The following CNMD variants were observed in gnomAD, a reference collection of about 807,000 sequenced individuals.
CNMD encodes chondromodulin, also known as leukocyte cell-derived chemotaxin 1.
A neutral mutation model predicts 37.5 loss-of-function variants in CNMD; 30 were observed. That is an observed-to-expected ratio of 0.80 (90% confidence interval 0.60 to 1.09). CNMD has a LOEUF of 1.09. Among genes scored for constraint, CNMD ranks in the 50% least tolerant of loss-of-function variants. The pLI, the probability that CNMD is intolerant of heterozygous loss-of-function variation, is 0.00. For missense variants in CNMD, 398 were observed against 423.9 expected, an observed-to-expected ratio of 0.94 and a Z score of 0.54; for synonymous variants, 167 against 148.2, an observed-to-expected ratio of 1.13 and a Z score of -0.92.
chr13:52,727,847 A>C (rs77022722), intron 3 of CNMD, among the ~76,000 whole-genome samples: 6,166 of 152,260 alleles, frequency 0.04, 150 homozygotes, highest in South Asian at 0.065. Context: ...GTGGGTGGTA[A>C]AAACATGCAG....
At chr13:52,736,216 C>A (rs142947165) in intron 2 of CNMD, among the ~76,000 whole-genome samples, 7 of 152,060 alleles carry the variant, frequency 4.6e-5, no homozygotes, top group Admixed American at 2.6e-4. Context: ...GGATGGTCTC[C>A]ATCTCCTGAC....
chr13:52,732,291 T>A (rs1190031183), intron 3 of CNMD, among the ~76,000 whole-genome samples: 3 of 152,162 alleles, frequency 2.0e-5, no homozygotes, highest in Non-Finnish European at 2.9e-5. Context: ...TTAACAGGAG[T>A]ACACAAATAG....
Position 52,712,716 on chromosome 13 carries a change from C to T in CNMD, c.622G>A (p.Glu208Lys). Residue 208 changes from glutamate to lysine, a missense_variant and splice_region_variant, in exon 5 of 7, where the codon GAA becomes AAA. Transcript: ENST00000377962. ...IFWLKPTYPK[E>K]IQRERREVVR... is the part of the protein sequence containing the mutation. ...AGCTTAAGATAATTTAAAATGTTAC[C>T]TTTTGGATAGGTTGGTTTAAGCCAG... 6.7e-7 allele frequency: 1 copy of T among 1,502,352 alleles called. No individual in the cohort carries two copies. The highest frequency in any genetic ancestry group is 8.9e-7 in the Non-Finnish European group (1 of 1,125,508). 93.1% of individuals were successfully genotyped at this position (1,502,352 alleles called of 1,614,324 possible). A position where few individuals can be genotyped will look rare whatever the true frequency, so the allele number is the denominator to read the frequency against.
chr13:52,708,088 A>C (rs1294964148), intron 6 of CNMD, among the ~76,000 whole-genome samples: 1 of 152,198 alleles, frequency 6.6e-6, no homozygotes, highest in Non-Finnish European at 1.5e-5. Flanking sequence ...ACAACTTTGC[A>C]ACAAATGAAA....
chr13:52,712,796 T>A lies in CNMD; in HGVS notation c.542A>T (p.Asp181Val). The A allele has an allele frequency of 6.3e-7, 1 of 1,597,906 alleles. No homozygotes were observed. The change falls in exon 5 of 7, where the codon GAC becomes GTC. Residue 181 changes from aspartate to valine, a missense_variant. Transcript: ENST00000377962. The part of the protein sequence containing the change: ...IWVAVDQPVK[D>V]NSFLSSKVLE... ...CACCTTAGAACTCAAGAAGCTGTTG[T>A]CCTTCACAGGCTGATCTACAGCCAC...
chr13:52,724,170 G>C, intron 3 of CNMD, 60 bp from the exon 4 acceptor site: 1 of 1,238,800 alleles, frequency 8.1e-7, no homozygotes, highest in Non-Finnish European at 1.2e-6. Flanking sequence ...GATTTATTGA[G>C]TGTCTACTGT....
chr13:52,722,693 G>A (rs1964503861), intron 4 of CNMD, among the ~76,000 whole-genome samples: 1 of 152,136 alleles, frequency 6.6e-6, no homozygotes, highest in Admixed American at 6.5e-5. Context: ...ACCATTAAAA[G>A]TAAGGTATTA....
chr13:52,710,598 T>C (rs536199533), intron 5 of CNMD, among the ~76,000 whole-genome samples: 89 of 152,300 alleles, frequency 5.8e-4, no homozygotes, highest in African/African-American at 2.1e-3. Flanking sequence ...TAGAATTAGG[T>C]GGTAGGAAGC....
chr13:52,729,410 T>C (rs1566229828), intron 3 of CNMD, among the ~76,000 whole-genome samples: 3 of 152,230 alleles, frequency 2.0e-5, no homozygotes, highest in Non-Finnish European at 1.5e-5. Flanking sequence ...ATTTTTGGCA[T>C]AGTCTTAATG....
At chr13:52,710,660 G>A (rs1964276927) in intron 5 of CNMD, among the ~76,000 whole-genome samples, 1 of 152,218 alleles carries the variant, frequency 6.6e-6, no homozygotes, top group South Asian at 2.1e-4. Flanking sequence ...CTGTACTTAT[G>A]AGAGATGGGG....
In CNMD at chr13:52,724,014, T is replaced by C. The variant is rs1964526163; in HGVS notation, c.451A>G (p.Ser151Gly). ...GTACCCACCAGTTTGGAGGAGATGC[T>C]CTGTTTGGTCACGGCGCCCACCTCA... ...IPEVGAVTKQ[S>G]ISSKLEGKIM... is the part of the protein sequence containing the mutation. The change falls in exon 4 of 7, where the codon AGC (serine) becomes GGC (glycine). Residue 151 changes from serine (S) to glycine (G), a missense_variant. By Grantham distance (56) the Ser-to-Gly change is moderately conservative (BLOSUM62 0). Coordinates refer to ENST00000377962, the MANE Select transcript of CNMD (RefSeq NM_007015.3). 1.2e-6 allele frequency: 2 copies of C among 1,612,382 alleles called. No individual in the cohort carries two copies. The highest frequency in any genetic ancestry group is 1.7e-6 in the Non-Finnish European group (2 of 1,178,432).
intron 3 of CNMD, 83 bp from the exon 4 acceptor site, chr13:52,724,193 G>C (rs1192507720): frequency 4.9e-6 from 5 of 1,020,864 alleles, no homozygotes; most frequent in African/African-American, 4.7e-5. Flanking sequence ...TCCAGATGCT[G>C]TTCCGGGTGC....
intron 6 of CNMD, among the ~76,000 whole-genome samples, chr13:52,706,102 A>G (rs192327138): frequency 9.2e-5 from 14 of 152,360 alleles, no homozygotes; most frequent in Admixed American, 7.2e-4. Context: ...ACATAGAAAA[A>G]CGTGCAAATG....
intron 4 of CNMD, among the ~76,000 whole-genome samples, chr13:52,723,657 C>T (rs1964519475): frequency 2.0e-5 from 3 of 152,046 alleles, no homozygotes; most frequent in Non-Finnish European, 4.4e-5. Flanking sequence ...AGGCTGGGCG[C>T]GGTGGCTCAC....
intron 5 of CNMD, among the ~76,000 whole-genome samples, chr13:52,711,400 G>A (rs529595007): frequency 5.3e-5 from 8 of 152,320 alleles, no homozygotes; most frequent in African/African-American, 1.7e-4. Flanking sequence ...ATAGGAGCAA[G>A]AGCAGGAATG....
At chr13:52,728,962 G>T (rs894609903) in intron 3 of CNMD, among the ~76,000 whole-genome samples, 6 of 152,184 alleles carry the variant, frequency 3.9e-5, no homozygotes, top group Admixed American at 6.5e-5. Flanking sequence ...GCACAAGAAA[G>T]CCAAGCAAAC....
At chr13:52,711,918 A>T (rs1353092117) in intron 5 of CNMD, among the ~76,000 whole-genome samples, 2 of 147,756 alleles carry the variant, frequency 1.4e-5, no homozygotes, top group East Asian at 4.1e-4. Flanking sequence ...TTAAAGGCCT[A>T]TATTTTCTTT....
At chr13:52,714,769 T>A (rs1566221585) in intron 4 of CNMD, among the ~76,000 whole-genome samples, 1 of 150,468 alleles carries the variant, frequency 6.6e-6, no homozygotes, top group African/African-American at 2.4e-5. Context: ...AGAAAGACTA[T>A]CACACACACA....
At chr13:52,726,509 C>CT (rs973266929) in intron 3 of CNMD, among the ~76,000 whole-genome samples, 3 of 147,384 alleles carry the variant, frequency 2.0e-5, no homozygotes, top group Admixed American at 6.7e-5. Context: ...CTGTTTACAG[C>CT]TAAAAAAAAA....
Sources: allele counts gnomAD v4.1 joint callset (sites outside exome capture counted in the v4.1 genomes callset), GRCh38; gene constraint gnomAD v4.1.1; transcripts MANE v1.5; gene names NCBI Gene and HGNC (gene_info 2026-07-23, HGNC 2026-07-21).